STK33: variants seen among roughly 807,000 people sequenced by gnomAD.
STK33 encodes serine/threonine-protein kinase 33.
STK33 carries 52 observed loss-of-function variants against 58.0 expected under a neutral mutation model. The observed-to-expected ratio is 0.90, with a 90% CI of 0.72 to 1.13. The LOEUF (loss-of-function observed/expected upper bound fraction) is 1.13. STK33 is among the 50% of genes most tolerant of loss of function. The probability of loss-of-function intolerance (pLI) is 0.00; values close to 1 mark genes in which losing one functional copy is unlikely to be tolerated. For missense variants in STK33, 630 were observed against 604.2 expected (o/e 1.04, Z -0.45); for synonymous variants, 215 against 200.1 (o/e 1.07, Z -0.63).
intron 15 of STK33, among the ~76,000 whole-genome samples, chr11:8,409,741 T>A (rs1224608851): frequency 6.6e-6 from 1 of 152,206 alleles, no homozygotes; most frequent in Non-Finnish European, 1.5e-5. Flanking sequence ...GCAATTTTAG[T>A]AATATTCTAT....
intron 1 of STK33, chr11:8,580,815 T>G (rs997000580): frequency 5.3e-5 from 8 of 152,128 alleles, no homozygotes; most frequent in African/African-American, 1.4e-4. Context: ...TCACAGAACC[T>G]ATCTTGGATC....
the STK33 span, among the ~76,000 whole-genome samples, chr11:8,385,540 A>G: frequency 6.6e-6 from 1 of 152,228 alleles, no homozygotes; most frequent in Non-Finnish European, 1.5e-5. Flanking sequence ...GTAATCCTCT[A>G]TGATAGCACT....
chr11:8,375,403 C>A, the STK33 span, among the ~76,000 whole-genome samples: 1 of 152,138 alleles, frequency 6.6e-6, no homozygotes, highest in Admixed American at 6.5e-5. Context: ...CATTGCTTGA[C>A]AGAAAGAAAC....
At chr11:8,373,674 C>T in the STK33 span, among the ~76,000 whole-genome samples, 11 of 152,170 alleles carry the variant, frequency 7.2e-5, no homozygotes, top group African/African-American at 2.7e-4. Context: ...CCGTGATGGA[C>T]CCAGCTATAA....
chr11:8,440,530 A>G (rs1944604749), intron 12 of STK33, 148 bp downstream of exon 12: 2 of 574,056 alleles, frequency 3.5e-6, no homozygotes, highest in Non-Finnish European at 2.8e-6. Context: ...ATACCTGACA[A>G]CTAATAAGAG....
chr11:8,547,965 G>C lies in STK33; in HGVS notation c.-466+46118C>G, dbSNP rs1161658272. Among the ~76,000 whole-genome samples, 6 of 149,638 alleles carry C rather than the reference G, an allele frequency of 4.0e-5. No homozygotes were observed. In the East Asian group the frequency reaches 1.0e-3, roughly 25 times the overall value. The stretch of plus-strand genomic sequence containing the variant: ...CTCATAGGTGGGAACTGAACAATGA[G>C]AACACTTGGACACTGGATGGGGAAC... On this transcript the variant is annotated intron_variant, in intron 1 of 15. Coordinates refer to ENST00000687296, the MANE Select transcript of STK33 (RefSeq NM_001352389.2).
In STK33 at chr11:8,534,939, A is replaced by G. The variant is rs75187151; in HGVS notation, c.-465-54325T>C. 8.7e-3 allele frequency among the ~76,000 whole-genome samples: 1,329 copies of G among 152,298 alleles called. 23 individuals are homozygous for G. Among genetic ancestry groups the G allele is most frequent in the South Asian group, 0.049 (236 of 4,824 alleles). ...TTCTAAGTAAAATGTTTAGGAATAAAAAGAGTTAAAATATTCCCCTGGGAT... is the reference window on the plus strand; with the variant it reads ...TTCTAAGTAAAATGTTTAGGAATAAGAAGAGTTAAAATATTCCCCTGGGAT... On this transcript the variant is annotated intron_variant, in intron 1 of 15. Coordinates refer to ENST00000687296, the MANE Select transcript of STK33 (RefSeq NM_001352389.2).
intron 1 of STK33, among the ~76,000 whole-genome samples, chr11:8,536,414 C>T (rs1050654806): frequency 6.6e-6 from 1 of 152,084 alleles, no homozygotes; most frequent in African/African-American, 2.4e-5. Context: ...TCAATAATCA[C>T]CGTAAAATTT....
chr11:8,394,570 A>C (rs1157320966), intron 15 of STK33, among the ~76,000 whole-genome samples: 4 of 152,200 alleles, frequency 2.6e-5, no homozygotes, highest in Non-Finnish European at 5.9e-5. Context: ...TTCATTTGTT[A>C]ATGTAATTGA....
chr11:8,422,787 G>A (rs929619949), intron 14 of STK33, among the ~76,000 whole-genome samples: 6 of 151,436 alleles, frequency 4.0e-5, no homozygotes, highest in African/African-American at 1.5e-4. Context: ...CTTTATCTAC[G>A]GCTATATTCC....
At chr11:8,416,154 T>C (rs985126976) in intron 14 of STK33, among the ~76,000 whole-genome samples, 1 of 152,026 alleles carries the variant, frequency 6.6e-6, no homozygotes, top group Non-Finnish European at 1.5e-5. Flanking sequence ...GCAAAGAAAA[T>C]AAAAGTGATA....
At chr11:8,545,669 C>G (rs1955852450) in intron 1 of STK33, among the ~76,000 whole-genome samples, 1 of 152,152 alleles carries the variant, frequency 6.6e-6, no homozygotes, top group Non-Finnish European at 1.5e-5. Context: ...TCATCCTTCA[C>G]AGGCTTTGGT....
At chr11:8,385,963 A>G in the STK33 span, among the ~76,000 whole-genome samples, 1 of 151,658 alleles carries the variant, frequency 6.6e-6, no homozygotes, top group Non-Finnish European at 1.5e-5. Flanking sequence ...TTTAGTAGAG[A>G]CAGGGTTTCA....
chr11:8,497,514 G>A lies in STK33; in HGVS notation c.-465-16900C>T, dbSNP rs1354350411. Among the ~76,000 whole-genome samples the A allele has an allele frequency of 3.9e-5, 6 of 152,152 alleles. No homozygotes were observed. In the South Asian group the frequency reaches 6.2e-4, roughly 16 times the overall value. ...AGACAGGGTCTCACTATGTCACCCA[G>A]GCTGGAGTGTAGTAGCATGATCACA... On this transcript the variant is annotated intron_variant, in intron 1 of 15. Coordinates refer to ENST00000687296, the MANE Select transcript of STK33 (RefSeq NM_001352389.2).
At chr11:8,450,680 A>G (rs976471127) in intron 11 of STK33, among the ~76,000 whole-genome samples, 1 of 152,204 alleles carries the variant, frequency 6.6e-6, no homozygotes, top group Non-Finnish European at 1.5e-5. Flanking sequence ...TAACCCTAAC[A>G]TCAGAAAAGA....
downstream of STK33, among the ~76,000 whole-genome samples, chr11:8,389,052 C>T (rs1441487683): frequency 2.0e-5 from 3 of 152,252 alleles, no homozygotes; most frequent in East Asian, 1.9e-4. Flanking sequence ...GTCTCCACCA[C>T]TTGAGTTGCA....
chr11:8,502,466 T>G (rs1951588466), intron 1 of STK33, among the ~76,000 whole-genome samples: 1 of 152,122 alleles, frequency 6.6e-6, no homozygotes, highest in South Asian at 2.1e-4. Flanking sequence ...CCTTATACCA[T>G]ATACAAAAAT....
At chr11:8,517,201 G>A (rs1952879986) in intron 1 of STK33, among the ~76,000 whole-genome samples, 1 of 152,200 alleles carries the variant, frequency 6.6e-6, no homozygotes, top group Non-Finnish European at 1.5e-5. Context: ...AGCCTCCGCT[G>A]GTGATACCCA....
intron 1 of STK33, among the ~76,000 whole-genome samples, chr11:8,496,102 A>C (rs190969166): frequency 2.6e-5 from 4 of 152,128 alleles, no homozygotes; most frequent in Non-Finnish European, 4.4e-5. Flanking sequence ...TATAATAAAA[A>C]ATTTTTTTTG....
Sources: allele counts gnomAD v4.1 joint callset (sites outside exome capture counted in the v4.1 genomes callset), GRCh38; gene constraint gnomAD v4.1.1; transcripts MANE v1.5; gene names NCBI Gene and HGNC (gene_info 2026-07-23, HGNC 2026-07-21).